Variants in RNF115 observed in about 807,000 individuals in gnomAD.
RNF115 encodes ring finger protein 115, also known as E3 ubiquitin-protein ligase RNF115.
Under a neutral mutation model 39.2 loss-of-function variants are expected in RNF115, and 31 were observed. The ratio of observed to expected loss-of-function variants is 0.79; its 90% CI spans 0.59 to 1.07. RNF115 has a LOEUF of 1.07. Ranked by LOEUF, RNF115 falls within the 50% of genes least tolerant of loss-of-function variation. RNF115 has a pLI of 0.00. For missense variants in RNF115, 384 were observed against 381.7 expected (o/e 1.01, Z -0.05); for synonymous variants, 124 against 131.0 (o/e 0.95, Z 0.37).
intron 4 of RNF115, among the ~76,000 whole-genome samples, chr1:145,758,632 T>C (rs1039446380): frequency 4.6e-5 from 7 of 152,306 alleles, no homozygotes; most frequent in Admixed American, 4.6e-4. Flanking sequence ...AATAAGTAAA[T>C]GGTAATAATC....
intron 1 of RNF115, among the ~76,000 whole-genome samples, chr1:145,801,441 TG>T (rs1376295018): frequency 6.6e-6 from 1 of 152,146 alleles, no homozygotes; most frequent in Non-Finnish European, 1.5e-5. Context: ...GGCACATGCC[TG>T]TAATCCCAGC....
chr1:145,755,441 A>T (rs1658261507), intron 4 of RNF115, among the ~76,000 whole-genome samples: 1 of 152,084 alleles, frequency 6.6e-6, no homozygotes, highest in Admixed American at 6.6e-5. Context: ...AATGGCCAAC[A>T]TCTTGACTAT....
At chr1:145,812,661 C>CAAA (rs113927082) in intron 1 of RNF115, among the ~76,000 whole-genome samples, 1 of 146,272 alleles carries the variant, frequency 6.8e-6, no homozygotes, top group Non-Finnish European at 1.5e-5. Context: ...CTTCAGGTCT[C>CAAA]AAAAAAAAAC....
Position 145,739,445 on chromosome 1 carries a change from G to C in RNF115, c.*7421C>G, listed in dbSNP as rs960566364. 6.6e-6 allele frequency: 1 copy of C among 152,162 alleles called. No individual in the cohort carries two copies. The highest frequency in any genetic ancestry group is 2.4e-5 in the African/African-American group (1 of 41,432). The allele number at this position is 152,162 out of a possible 1,614,324, so 9.4% of individuals were successfully genotyped here. On this transcript the variant is annotated 3_prime_UTR_variant, in exon 9 of 9. Transcript: ENST00000582693. ...GTAGATGAGTAAGACTCTTATTAGT[G>C]ATAGTCTTGAACCTCAAACTAAGGA... is the stretch of plus-strand genomic sequence containing the variant.
chr1:145,777,160 A>G lies in RNF115; in HGVS notation c.220-5241T>C, dbSNP rs782027601. On this transcript the variant is annotated intron_variant, in intron 3 of 8. Transcript: ENST00000582693. Reference sequence around the variant, plus strand: ...ATAAGAAATCTATGATTCCCTTACTATATACAATTCCACAACATTTGCTCA... The same window carrying G: ...ATAAGAAATCTATGATTCCCTTACTGTATACAATTCCACAACATTTGCTCA... 2.6e-5 allele frequency among the ~76,000 whole-genome samples: 4 copies of G among 152,344 alleles called. No homozygotes were observed. In the South Asian group the frequency reaches 8.3e-4, roughly 32 times the overall value.
At chr1:145,771,326 C>CA (rs1167633955) in intron 4 of RNF115, among the ~76,000 whole-genome samples, 1 of 152,208 alleles carries the variant, frequency 6.6e-6, no homozygotes, top group Non-Finnish European at 1.5e-5. Flanking sequence ...TGGAATGACA[C>CA]AGCAAGAAGG....
intron 1 of RNF115, among the ~76,000 whole-genome samples, chr1:145,796,917 A>G (rs1468148430): frequency 1.3e-5 from 2 of 152,152 alleles, no homozygotes; most frequent in Admixed American, 1.3e-4. Flanking sequence ...AGAACTGACC[A>G]TTATAGTTTC....
intron 4 of RNF115, among the ~76,000 whole-genome samples, chr1:145,768,376 C>T (rs782212673): frequency 8.5e-5 from 13 of 152,176 alleles, no homozygotes; most frequent in Non-Finnish European, 1.5e-4. Flanking sequence ...AGTACAGTGG[C>T]GCAATCTCGG....
At chr1:145,750,349 T>C (rs1031339009) in intron 7 of RNF115, 58 bp downstream of exon 7, 2 of 1,340,192 alleles carry the variant, frequency 1.5e-6, no homozygotes, top group Admixed American at 1.8e-5. Context: ...TGTCAGAAGA[T>C]ACCGGGATTT....
intron 3 of RNF115, among the ~76,000 whole-genome samples, chr1:145,782,452 T>TG (rs1483521028): frequency 2.6e-5 from 4 of 151,938 alleles, no homozygotes; most frequent in African/African-American, 9.7e-5. Context: ...CCCCATCTCT[T>TG]AAAAACACAC....
intron 2 of RNF115, among the ~76,000 whole-genome samples, chr1:145,787,971 T>C (rs1648470995): frequency 6.6e-6 from 1 of 152,116 alleles, no homozygotes; most frequent in African/African-American, 2.4e-5. Context: ...CTTTCAGAAA[T>C]ATTTCCCCTT....
At chr1:145,779,268 A>G (rs917193609) in intron 3 of RNF115, among the ~76,000 whole-genome samples, 3 of 150,218 alleles carry the variant, frequency 2.0e-5, no homozygotes, top group Non-Finnish European at 3.0e-5. Flanking sequence ...TCTGCCTCCC[A>G]GGCTCAAGAG....
In RNF115 at chr1:145,791,121, G is replaced by A. The variant is rs148270011; in HGVS notation, c.103-2155C>T. Among the ~76,000 whole-genome samples, 829 of 148,942 alleles carry A rather than the reference G, an allele frequency of 5.6e-3. 9 individuals carry two copies. The highest frequency in any genetic ancestry group is 0.019 in the African/African-American group (786 of 40,534). On this transcript the variant is annotated intron_variant, in intron 1 of 8. Coordinates refer to ENST00000582693, the MANE Select transcript of RNF115 (RefSeq NM_014455.4). The stretch of plus-strand genomic sequence containing the variant: ...AGTGCCATTGCACTTCAGCCTGGGC[G>A]ACAGATCGAGACTCTGTCTCAAAAA...
At chr1:145,809,127 T>C (rs1649585082) in intron 1 of RNF115, among the ~76,000 whole-genome samples, 3 of 152,016 alleles carry the variant, frequency 2.0e-5, no homozygotes, top group Admixed American at 2.0e-4. Flanking sequence ...ATCAAACTGC[T>C]GCTTTGAGCC....
chr1:145,781,900 C>CTTT (rs34615861), intron 3 of RNF115, among the ~76,000 whole-genome samples: 2 of 135,558 alleles, frequency 1.5e-5, no homozygotes, highest in Non-Finnish European at 3.2e-5. Flanking sequence ...TACACTTTTC[C>CTTT]TTTTTTTTTT....
intron 5 of RNF115, 56 bp downstream of exon 5, chr1:145,752,922 A>G: frequency 8.1e-7 from 1 of 1,238,792 alleles, no homozygotes; most frequent in South Asian, 1.2e-5. Context: ...CAGAAATGAC[A>G]GCACCTAAAA....
At chr1:145,786,484 A>C (rs1648385274) in intron 2 of RNF115, among the ~76,000 whole-genome samples, 1 of 152,196 alleles carries the variant, frequency 6.6e-6, no homozygotes, top group Non-Finnish European at 1.5e-5. Context: ...TATTTGAGTA[A>C]ATTGCTACCA....
chr1:145,799,282 G>A (rs1234610205), intron 1 of RNF115, among the ~76,000 whole-genome samples: 1 of 152,018 alleles, frequency 6.6e-6, no homozygotes, highest in Non-Finnish European at 1.5e-5. Context: ...TGGCCAGGAT[G>A]GTCTCGATCT....
intron 4 of RNF115, among the ~76,000 whole-genome samples, chr1:145,760,928 T>C (rs587634691): frequency 3.7e-4 from 57 of 152,266 alleles, no homozygotes; most frequent in African/African-American, 1.4e-3. Context: ...ATATGGACAA[T>C]AAGGTCCAGG....
Sources: allele counts gnomAD v4.1 joint callset (sites outside exome capture counted in the v4.1 genomes callset), GRCh38; gene constraint gnomAD v4.1.1; transcripts MANE v1.5; gene names NCBI Gene and HGNC (gene_info 2026-07-23, HGNC 2026-07-21).